The following C9orf43 variants were observed in gnomAD, a reference collection of about 807,000 sequenced individuals.
The protein encoded by C9orf43 is chromosome 9 open reading frame 43, also known as uncharacterized protein C9orf43.
C9orf43 carries 45 observed loss-of-function variants against 59.1 expected under a neutral mutation model. The observed-to-expected ratio is 0.76, with a 90% CI of 0.60 to 0.98. The LOEUF (loss-of-function observed/expected upper bound fraction) is 0.98, where lower values mean the gene tolerates loss of function less well. C9orf43 is among the 50% of genes least tolerant of loss of function. The pLI is 0.00. For synonymous variants in C9orf43, 203 were observed against 196.8 expected, an observed-to-expected ratio of 1.03 and a Z score of -0.26; for missense variants, 533 against 554.9, an observed-to-expected ratio of 0.96 and a Z score of 0.40.
intron 10 of C9orf43, 44 bp from the exon 11 acceptor site, chr9:113,425,599 T>G: frequency 1.3e-6 from 2 of 1,589,858 alleles, no homozygotes; most frequent in Non-Finnish European, 1.7e-6. Context: ...AAGTTTTCTT[T>G]ACTTCCAAAA....
intron 11 of C9orf43, 70 bp downstream of exon 11, chr9:113,425,800 G>A (rs2119103459): frequency 8.3e-7 from 1 of 1,200,656 alleles, no homozygotes; most frequent in Non-Finnish European, 1.2e-6. Context: ...GGCAGGAAAA[G>A]CTAAACATGC....
intron 5 of C9orf43, among the ~76,000 whole-genome samples, chr9:113,422,231 A>G (rs1256884161): frequency 1.3e-5 from 2 of 152,230 alleles, no homozygotes; most frequent in African/African-American, 2.4e-5. Flanking sequence ...AGACATAACC[A>G]CACCTACATA....
Position 113,419,102 on chromosome 9 carries a change from T to G in C9orf43, c.288-6T>G. ...TTCTGTTTTATGTGTGGAACTCATT[T>G]TTTAGGCCTCCGAAGGGTTTACCTG... On this transcript the variant is annotated splice_region_variant and splice_polypyrimidine_tract_variant and intron_variant, in intron 3 of 13. Transcript: ENST00000374165. 3.1e-6 allele frequency: 5 copies of G among 1,608,400 alleles called. No homozygotes were observed. Among genetic ancestry groups the G allele is most frequent in the Non-Finnish European group, 4.2e-6 (5 of 1,176,988 alleles).
At chr9:113,425,548 G>A (rs1054298285) in intron 10 of C9orf43, 95 bp from the exon 11 acceptor site, 1 of 1,495,236 alleles carries the variant, frequency 6.7e-7, no homozygotes, top group Non-Finnish European at 9.1e-7. Flanking sequence ...TTGTCTGGTT[G>A]TAGATGTTAA....
Position 113,421,118 on chromosome 9 carries a change from TTGAA to T in C9orf43, c.365_368del (p.Asn122ArgfsTer26), listed in dbSNP as rs1203939149. The stretch of plus-strand genomic sequence containing the variant: ...TTTCTCTTAGTTTCCAGTGTTGAAT[TTGAA>T]TGAGACGCAACTTCCCTGCCCTGAA... On this transcript the variant is annotated frameshift_variant, in exon 5 of 14. Coordinates refer to ENST00000374165, the MANE Select transcript of C9orf43 (RefSeq NM_001278629.2). LOFTEE classifies it high-confidence loss of function. 2 of 1,613,640 alleles carry T rather than the reference TTGAA, an allele frequency of 1.2e-6. No individual in the cohort carries two copies. Among genetic ancestry groups the T allele is most frequent in the South Asian group, 2.2e-5 (2 of 91,064 alleles).
At chr9:113,415,872 T>C (rs546962301) in intron 3 of C9orf43, among the ~76,000 whole-genome samples, 1 of 152,348 alleles carries the variant, frequency 6.6e-6, no homozygotes, top group Non-Finnish European at 1.5e-5. Flanking sequence ...CTTAATGATT[T>C]CTCTTTGGCT....
Position 113,429,350 on chromosome 9 carries a change from T to G in C9orf43, c.1350T>G (p.Asp450Glu). 6.2e-7 allele frequency: 1 copy of G among 1,614,156 alleles called. No homozygotes were observed. The highest frequency in any genetic ancestry group is 1.3e-5 in the African/African-American group (1 of 75,060). The change falls in exon 14 of 14, where the codon GAT (aspartate) becomes GAG (glutamate). Residue 450 changes from aspartate to glutamate, a missense_variant. Transcript: ENST00000374165. ...TTAGGATTCTTCAGGACACTGATGA[T>G]GAGGATGAGGAGGACCAGTCCTCTG... ...KLLRILQDTD[D>E]EDEEDQSSGA... is the part of the protein sequence containing the mutation.
intron 3 of C9orf43, among the ~76,000 whole-genome samples, chr9:113,417,642 A>T (rs549631621): frequency 1.3e-5 from 2 of 152,194 alleles, no homozygotes; most frequent in Non-Finnish European, 2.9e-5. Context: ...CCTAGACTGG[A>T]AGTCTGAGCA....
intron 4 of C9orf43, 56 bp downstream of exon 4, chr9:113,419,221 TAAACTA>T: frequency 7.7e-7 from 1 of 1,299,014 alleles, no homozygotes; most frequent in Non-Finnish European, 1.1e-6. Flanking sequence ...CTAGTGGAAA[TAAACTA>T]TTCTGCCTTT....
At chr9:113,419,831 A>T (rs543198818) in intron 4 of C9orf43, among the ~76,000 whole-genome samples, 22 of 152,334 alleles carry the variant, frequency 1.4e-4, no homozygotes, top group Middle Eastern at 6.8e-3. Context: ...GCACACAGCT[A>T]GTTAGGGGTA....
chr9:113,428,773 A>G, intron 12 of C9orf43, 127 bp from the exon 13 acceptor site: 1 of 776,936 alleles, frequency 1.3e-6, no homozygotes, highest in Non-Finnish European at 2.2e-6. Flanking sequence ...GCTTCTCTTC[A>G]GTCCCAAGAG....
In C9orf43 at chr9:113,413,739, C is replaced by T; in HGVS notation, c.152-20C>T. 2 of 1,613,188 alleles carry T rather than the reference C, an allele frequency of 1.2e-6. No individual in the cohort carries two copies. The highest frequency in any genetic ancestry group is 1.7e-6 in the Non-Finnish European group (2 of 1,179,562). ...TCCAGGCAGCAGGTTAACATGTTTTCTTCTGGTCTGCCTTCTTAGATAAAC... is the reference window on the plus strand; with the variant it reads ...TCCAGGCAGCAGGTTAACATGTTTTTTTCTGGTCTGCCTTCTTAGATAAAC... On this transcript the variant is annotated intron_variant, in intron 2 of 13. Transcript: ENST00000374165.
chr9:113,428,119 A>T, intron 11 of C9orf43, 28 bp from the exon 12 acceptor site: 1 of 1,612,368 alleles, frequency 6.2e-7, no homozygotes, highest in Non-Finnish European at 8.5e-7. Flanking sequence ...TAATAAGAGG[A>T]AGATTGAATG....
At chr9:113,412,007 C>T (rs556847138) in intron 1 of C9orf43, among the ~76,000 whole-genome samples, 4 of 152,064 alleles carry the variant, frequency 2.6e-5, no homozygotes, top group Non-Finnish European at 5.9e-5. Flanking sequence ...TTTTTTTTCC[C>T]GTCAAGCATG....
intron 9 of C9orf43, 34 bp downstream of exon 9, chr9:113,425,110 C>G: frequency 6.3e-7 from 1 of 1,597,284 alleles, no homozygotes; most frequent in South Asian, 1.1e-5. Flanking sequence ...TCTCTAAGCA[C>G]CATTTTCTGT....
chr9:113,425,076 G>C lies in C9orf43; in HGVS notation c.865G>C (p.Gly289Arg). ...LKKLHNLKTE[G>R]YRKQQQRQQQ... is the part of the protein sequence containing the mutation. ...GAAATTACATAACCTGAAGACAGAA[G>C]GTAGATTTGCTGTTGCTGCTGGATC... is the stretch of plus-strand genomic sequence containing the variant. Residue 289 changes from glycine to arginine, a missense_variant and splice_region_variant, in exon 9 of 14, where the codon GGT becomes CGT. By Grantham distance (125) the Gly-to-Arg change is moderately radical (BLOSUM62 -2). Transcript: ENST00000374165. 4 of 1,613,244 alleles carry C rather than the reference G, an allele frequency of 2.5e-6. No individual in the cohort carries two copies. Among genetic ancestry groups the C allele is most frequent in the Non-Finnish European group, 3.4e-6 (4 of 1,179,678 alleles).
At position 113,425,325 on chromosome 9, in the gene C9orf43, C is replaced by A. The variant is rs975462729; in HGVS notation, c.866-19C>A. The A allele has an allele frequency of 1.2e-6, 2 of 1,613,674 alleles. No individual in the cohort carries two copies. Among genetic ancestry groups the A allele is most frequent in the Non-Finnish European group, 1.7e-6 (2 of 1,179,890 alleles). ...AGGGGGCTGTTAGAAGAGGATCAAG[C>A]TGGCTCTCTGGTCACCAGGTTACAG... On this transcript the variant is annotated intron_variant, in intron 9 of 13. Transcript: ENST00000374165.
At chr9:113,426,650 T>G (rs1379761447) in intron 11 of C9orf43, among the ~76,000 whole-genome samples, 5 of 152,166 alleles carry the variant, frequency 3.3e-5, no homozygotes, top group Admixed American at 6.5e-5. Flanking sequence ...GCCCTTCTTA[T>G]GGGAGGTGGA....
chr9:113,415,087 C>T (rs935290980), intron 3 of C9orf43, among the ~76,000 whole-genome samples: 4 of 152,072 alleles, frequency 2.6e-5, no homozygotes, highest in Admixed American at 6.6e-5. Flanking sequence ...CCGCCTCAGC[C>T]TCCCAAAGTG....
Sources: gnomAD v4.1 joint callset for allele counts (sites outside exome capture counted in the v4.1 genomes callset) on GRCh38, gnomAD v4.1.1 for gene constraint, MANE v1.5 for transcripts, NCBI Gene and HGNC (gene_info 2026-07-23, HGNC 2026-07-21) for gene names.